PRKCH: variants seen among roughly 807,000 people sequenced by gnomAD.
PRKCH encodes protein kinase C eta.
In PRKCH, 28 loss-of-function variants were observed where a neutral mutation model predicts 82.5. The observed-to-expected ratio is 0.34, with a 90% CI of 0.25 to 0.47. The LOEUF (loss-of-function observed/expected upper bound fraction) is 0.47, where lower values mean the gene tolerates loss of function less well. Among genes scored for constraint, PRKCH ranks in the 20% least tolerant of loss-of-function variants. The pLI is 1.00. For synonymous variants in PRKCH, 322 were observed against 327.4 expected, an observed-to-expected ratio of 0.98 and a Z score of 0.18; for missense variants, 705 against 881.8, an observed-to-expected ratio of 0.80 and a Z score of 2.54.
intron 13 of PRKCH, among the ~76,000 whole-genome samples, chr14:61,549,235 T>C (rs1263741740): frequency 6.6e-6 from 1 of 152,208 alleles, no homozygotes; most frequent in Non-Finnish European, 1.5e-5. Context: ...GCAAGAAATC[T>C]TTTGGGAAGA....
chr14:61,320,539 C>A (rs1188401271), upstream of PRKCH, among the ~76,000 whole-genome samples: 1 of 152,104 alleles, frequency 6.6e-6, no homozygotes, highest in Non-Finnish European at 1.5e-5. Flanking sequence ...GCGGAGGTTG[C>A]GGTGAGCCGA....
chr14:61,416,578 C>T (rs991701503), intron 2 of PRKCH, among the ~76,000 whole-genome samples: 3 of 152,096 alleles, frequency 2.0e-5, no homozygotes, highest in Non-Finnish European at 2.9e-5. Flanking sequence ...AGCTGCTGGG[C>T]GTGAAGAAGA....
intron 10 of PRKCH, among the ~76,000 whole-genome samples, chr14:61,519,965 A>G (rs1261508949): frequency 6.6e-6 from 1 of 151,934 alleles, no homozygotes; most frequent in Non-Finnish European, 1.5e-5. Context: ...TTTTTTTCCA[A>G]CATTCCCTTG....
intron 4 of PRKCH, 113 bp from the exon 5 acceptor site, chr14:61,449,051 G>A: frequency 1.1e-6 from 1 of 890,312 alleles, no homozygotes; most frequent in Non-Finnish European, 1.8e-6. Flanking sequence ...TGCTGTCAAG[G>A]GGGCCAGACG....
intron 12 of PRKCH, among the ~76,000 whole-genome samples, chr14:61,533,097 CT>C (rs1044185837): frequency 2.2e-4 from 33 of 152,208 alleles, no homozygotes; most frequent in African/African-American, 7.5e-4. Context: ...GCCTCTGTGC[CT>C]CTCTGAATCT....
At chr14:61,383,492 G>A (rs2046541240) in intron 1 of PRKCH, among the ~76,000 whole-genome samples, 2 of 152,078 alleles carry the variant, frequency 1.3e-5, no homozygotes, top group African/African-American at 2.4e-5. Flanking sequence ...AATAATAGTT[G>A]AGATGTGAAT....
chr14:61,372,506 C>G (rs1323773169), intron 1 of PRKCH, among the ~76,000 whole-genome samples: 1 of 152,058 alleles, frequency 6.6e-6, no homozygotes, highest in Non-Finnish European at 1.5e-5. Context: ...TTCCTACCAC[C>G]CACCATCCAT....
intron 1 of PRKCH, among the ~76,000 whole-genome samples, chr14:61,225,594 A>G (rs1308702596): frequency 6.6e-6 from 1 of 152,244 alleles, no homozygotes; most frequent in Non-Finnish European, 1.5e-5. Flanking sequence ...TCTGGGAGAA[A>G]TAGCTCCACC....
chr14:61,533,959 C>T (rs1409525647), intron 12 of PRKCH, among the ~76,000 whole-genome samples: 1 of 152,144 alleles, frequency 6.6e-6, no homozygotes, highest in African/African-American at 2.4e-5. Flanking sequence ...TTTAATTAGG[C>T]CAATATAGTT....
At chr14:61,464,011 G>A (rs7155311) in intron 9 of PRKCH, among the ~76,000 whole-genome samples, 3,723 of 152,310 alleles carry the variant, frequency 0.024, 166 homozygotes, top group African/African-American at 0.085. Context: ...GCTATTGTGA[G>A]TAATGCTGCA....
intron 1 of PRKCH, among the ~76,000 whole-genome samples, chr14:61,376,885 C>T (rs1004397276): frequency 2.0e-5 from 3 of 152,170 alleles, no homozygotes; most frequent in African/African-American, 7.2e-5. Context: ...TTAATTAAAC[C>T]ATGTATTCCT....
chr14:61,450,756 T>C, intron 5 of PRKCH, 86 bp from the exon 6 acceptor site: 1 of 1,496,028 alleles, frequency 6.7e-7, no homozygotes, highest in South Asian at 1.3e-5. Flanking sequence ...AGTGACACTT[T>C]GCATTTGATG....
chr14:61,444,590 C>T (rs11621837), intron 3 of PRKCH, among the ~76,000 whole-genome samples: 1 of 152,090 alleles, frequency 6.6e-6, no homozygotes, highest in Non-Finnish European at 1.5e-5. Context: ...AACGCTCCCC[C>T]CCTCCACACC....
intron 6 of PRKCH, among the ~76,000 whole-genome samples, chr14:61,451,178 C>G (rs1197980587): frequency 6.6e-6 from 1 of 152,128 alleles, no homozygotes; most frequent in Non-Finnish European, 1.5e-5. Context: ...AATCATAGGA[C>G]ATTAAGTCAA....
intron 10 of PRKCH, among the ~76,000 whole-genome samples, chr14:61,521,293 T>A (rs2139993493): frequency 6.6e-6 from 1 of 152,314 alleles, no homozygotes; most frequent in South Asian, 2.1e-4. Flanking sequence ...TTCCTTACAT[T>A]TTTAGTCCTT....
At position 61,395,292 on chromosome 14, in the gene PRKCH, C is replaced by A. The variant is rs1025333523; in HGVS notation, c.427+4004C>A. ...GTGTTAAGTAAGAAGGAAATGGAGC[C>A]CCCCCCCGCATTTGCCTGCCACAGC... On this transcript the variant is annotated intron_variant, in intron 2 of 13. Transcript: ENST00000332981. Among the ~76,000 whole-genome samples the A allele has an allele frequency of 1.1e-3, 141 of 130,918 alleles. 2 individuals are homozygous for A. Among genetic ancestry groups the A allele is most frequent in the African/African-American group, 4.2e-3 (136 of 32,568 alleles). 85.9% of individuals were successfully genotyped at this position (130,918 alleles called of 152,430 possible).
intron 1 of PRKCH, among the ~76,000 whole-genome samples, chr14:61,256,431 T>A (rs2044998419): frequency 2.0e-5 from 3 of 152,212 alleles, no homozygotes; most frequent in Non-Finnish European, 2.9e-5. Flanking sequence ...TGGGGTGTGT[T>A]CTGTCATAGC....
chr14:61,402,987 C>T (rs945978853), intron 2 of PRKCH, among the ~76,000 whole-genome samples: 1 of 151,944 alleles, frequency 6.6e-6, no homozygotes. Flanking sequence ...CTAACTCATC[C>T]TCTAGCATTA....
chr14:61,454,841 A>T (rs528702513), intron 7 of PRKCH, among the ~76,000 whole-genome samples: 77 of 152,294 alleles, frequency 5.1e-4, no homozygotes, highest in African/African-American at 1.8e-3. Flanking sequence ...TAGCCATGTA[A>T]GATCTGAACG....
Sources: gnomAD v4.1 joint callset for allele counts (sites outside exome capture counted in the v4.1 genomes callset) on GRCh38, gnomAD v4.1.1 for gene constraint, MANE v1.5 for transcripts, NCBI Gene and HGNC (gene_info 2026-07-23, HGNC 2026-07-21) for gene names.